Variants in XRN2 observed in about 807,000 individuals in gnomAD.
The protein encoded by XRN2 is 5'-3' exoribonuclease 2, also known as DHM1-like protein.
Under a neutral mutation model 138.5 loss-of-function variants are expected in XRN2, and 44 were observed. The ratio of observed to expected loss-of-function variants is 0.32; its 90% CI spans 0.25 to 0.41. XRN2 has a LOEUF of 0.41. Among genes scored for constraint, XRN2 ranks in the 10% least tolerant of loss-of-function variants. XRN2 has a pLI of 1.00. For missense variants in XRN2, 937 were observed against 1,169.3 expected (o/e 0.80, Z 2.90); for synonymous variants, 354 against 369.4 (o/e 0.96, Z 0.48).
chr20:21,346,614 T>G (rs923935666), intron 17 of XRN2, 64 bp downstream of exon 17: 4 of 1,572,376 alleles, frequency 2.5e-6, no homozygotes, highest in Middle Eastern at 1.7e-4. Context: ...GTAATTTCTT[T>G]TTTTTTGTTT....
chr20:21,332,357 A>G lies in XRN2; in HGVS notation c.775A>G (p.Lys259Glu). 2 of 1,614,018 alleles carry G rather than the reference A, an allele frequency of 1.2e-6. No individual in the cohort carries two copies. The highest frequency in any genetic ancestry group is 1.7e-6 in the Non-Finnish European group (2 of 1,179,894). ...TIIREEFKPN[K>E]PKPCGLCNQF... Reference sequence around the variant, plus strand: ...TATTAGAGAAGAATTCAAACCAAACAAGCCCAAACCATGTGGTCTTTGTAA... The same window carrying G: ...TATTAGAGAAGAATTCAAACCAAACGAGCCCAAACCATGTGGTCTTTGTAA... Residue 259 changes from lysine to glutamate, a missense_variant, in exon 9 of 30, where the codon AAG becomes GAG. Physicochemically the swap from Lys to Glu is moderately conservative, Grantham distance 56 (BLOSUM62 1). This residue lies in a region of XRN2 where 471 missense variants were observed against 581.2 expected (regional missense o/e 0.81). Transcript: ENST00000377191.
intron 24 of XRN2, among the ~76,000 whole-genome samples, chr20:21,360,421 T>C (rs1307339701): frequency 2.6e-5 from 4 of 152,132 alleles, no homozygotes; most frequent in Non-Finnish European, 4.4e-5. Context: ...ATACAGTTTT[T>C]ATATATGTTG....
Position 21,353,223 on chromosome 20 carries a change from GATATATATATATATATATATATATATAT to G in XRN2, c.1937-1551_1937-1524del, listed in dbSNP as rs869071652. Among the ~76,000 whole-genome samples, 87 of 113,848 alleles carry G rather than the reference GATATATATATATATATATATATATATAT, an allele frequency of 7.6e-4. 1 individual carries two copies. The highest frequency in any genetic ancestry group is 2.9e-3 in the African/African-American group (80 of 27,454). The allele number at this position is 113,848 out of a possible 152,430, so 74.7% of individuals were successfully genotyped here. ...AAATATAAATAAATGTAGTGGGTAG[GATATATATATATATATATATATATATAT>G]ATATATATATATATCTCTTAAATGT... On this transcript the variant is annotated intron_variant, in intron 20 of 29. Transcript: ENST00000377191.
chr20:21,354,194 G>A (rs2038548070), intron 20 of XRN2, among the ~76,000 whole-genome samples: 2 of 152,114 alleles, frequency 1.3e-5, no homozygotes, highest in South Asian at 4.1e-4. Flanking sequence ...CAAATGAATA[G>A]CCTCTGTTCT....
chr20:21,350,579 G>A (rs1024366436), intron 20 of XRN2, among the ~76,000 whole-genome samples: 1 of 139,350 alleles, frequency 7.2e-6, no homozygotes, highest in African/African-American at 2.7e-5. Flanking sequence ...CAGTAAACCA[G>A]CTGTTGTTTC....
intron 16 of XRN2, among the ~76,000 whole-genome samples, chr20:21,345,219 T>C (rs1004466318): frequency 3.3e-5 from 5 of 152,234 alleles, no homozygotes; most frequent in African/African-American, 1.2e-4. Flanking sequence ...ACTAGTTTAA[T>C]AGGTAACTTG....
chr20:21,346,142 A>G (rs560595049), intron 16 of XRN2, among the ~76,000 whole-genome samples: 2 of 152,322 alleles, frequency 1.3e-5, no homozygotes, highest in Admixed American at 6.5e-5. Flanking sequence ...TGTGTTCTGT[A>G]TCTTTTTCAA....
chr20:21,326,131 A>G, intron 1 of XRN2, 148 bp from the exon 2 acceptor site: 1 of 774,746 alleles, frequency 1.3e-6, no homozygotes, highest in Admixed American at 3.2e-5. Context: ...GTTTGCTTTA[A>G]GGAATAAAAT....
chr20:21,371,077 T>A (rs558662967), intron 27 of XRN2, among the ~76,000 whole-genome samples: 13 of 152,292 alleles, frequency 8.5e-5, no homozygotes, highest in African/African-American at 3.1e-4. Context: ...AACAGAGTGA[T>A]ACTTTGTTAT....
At chr20:21,337,212 G>T (rs188605246) in intron 13 of XRN2, among the ~76,000 whole-genome samples, 8 of 151,998 alleles carry the variant, frequency 5.3e-5, no homozygotes, top group Non-Finnish European at 8.8e-5. Context: ...GGAGGGAAAG[G>T]TCAAAGCAGT....
At chr20:21,355,946 T>G in intron 21 of XRN2, 134 bp from the exon 22 acceptor site, 1 of 539,334 alleles carries the variant, frequency 1.9e-6, no homozygotes, top group Non-Finnish European at 3.2e-6. Context: ...CCTATCACTT[T>G]AAAATTATTT....
chr20:21,379,160 G>T (rs901924991), intron 27 of XRN2, among the ~76,000 whole-genome samples: 3 of 152,146 alleles, frequency 2.0e-5, no homozygotes, highest in Non-Finnish European at 4.4e-5. Flanking sequence ...TGGCCTTAGA[G>T]CTCTAGAAAA....
intron 1 of XRN2, among the ~76,000 whole-genome samples, chr20:21,315,323 A>G (rs559717845): frequency 3.3e-5 from 5 of 152,324 alleles, no homozygotes; most frequent in South Asian, 2.1e-4. Flanking sequence ...ACACTTGCCA[A>G]CACTTGTTAT....
At chr20:21,354,276 A>G (rs1372559644) in intron 20 of XRN2, among the ~76,000 whole-genome samples, 1 of 152,194 alleles carries the variant, frequency 6.6e-6, no homozygotes, top group Admixed American at 6.5e-5. Context: ...AGTAGGCTTT[A>G]AAATGTAAAA....
intron 16 of XRN2, among the ~76,000 whole-genome samples, chr20:21,345,963 A>G (rs1433424074): frequency 1.3e-5 from 2 of 152,200 alleles, no homozygotes; most frequent in East Asian, 1.9e-4. Context: ...TAAAAAAGTT[A>G]CCTGTGTGCG....
At chr20:21,350,404 T>C (rs186376817) in intron 20 of XRN2, among the ~76,000 whole-genome samples, 1 of 151,446 alleles carries the variant, frequency 6.6e-6, no homozygotes, top group East Asian at 1.9e-4. Context: ...CGGGCGCCTG[T>C]AGTCCCAGCT....
At chr20:21,309,558 T>C (rs567185312) in intron 1 of XRN2, among the ~76,000 whole-genome samples, 7 of 152,294 alleles carry the variant, frequency 4.6e-5, no homozygotes, top group South Asian at 2.1e-4. Flanking sequence ...TCTTTTTTTT[T>C]CAGCTCATCA....
At chr20:21,379,623 G>A (rs17744438) in intron 27 of XRN2, among the ~76,000 whole-genome samples, 11,952 of 152,120 alleles carry the variant, frequency 0.079, 590 homozygotes, top group East Asian at 0.16. Context: ...AAAATAGAGA[G>A]GCACCTGGCA....
intron 1 of XRN2, among the ~76,000 whole-genome samples, chr20:21,310,670 G>C (rs1383553283): frequency 6.6e-6 from 1 of 151,962 alleles, no homozygotes; most frequent in African/African-American, 2.4e-5. Flanking sequence ...TAGCCTGTTT[G>C]CATCTTTATG....
Sources: allele counts gnomAD v4.1 joint callset (sites outside exome capture counted in the v4.1 genomes callset), GRCh38; gene constraint gnomAD v4.1.1; regional missense constraint gnomAD v4.1.1; transcripts MANE v1.5; gene names NCBI Gene and HGNC (gene_info 2026-07-23, HGNC 2026-07-21).